Variants in TTN observed in about 807,000 individuals in gnomAD.
The protein encoded by TTN is connectin.
TTN carries 1,525 observed loss-of-function variants against 3,223.0 expected under a neutral mutation model. The ratio of observed to expected loss-of-function variants is 0.47; its 90% confidence interval spans 0.45 to 0.49. TTN has a LOEUF of 0.49. TTN is among the 20% of genes least tolerant of loss of function. The probability of loss-of-function intolerance (pLI) is 0.00; values close to 1 mark genes in which losing one functional copy is unlikely to be tolerated. For synonymous variants in TTN, 14,094 were observed against 15,161.0 expected, an observed-to-expected ratio of 0.93 and a Z score of 5.17; for missense variants, 40,786 against 43,424.0, an observed-to-expected ratio of 0.94 and a Z score of 5.40.
rs1489995255 is a variant in TTN at position 178,729,518 on chromosome 2, T to A, written c.18638A>T (p.Tyr6213Phe). The change falls in exon 64 of 363, where the codon TAT becomes TTT. Residue 6213 changes from tyrosine (Y) to phenylalanine (F), a missense_variant. By Grantham distance (22) the Tyr-to-Phe change is conservative. Coordinates refer to ENST00000589042, the MANE Select transcript of TTN (RefSeq NM_001267550.2). ...RELKPVEVVK[Y>F]SDVELECEVT... ...TTCACACTCCAGCTCCACGTCACTA[T>A]ATTTTACTACCTCCACAGGCTTCAG... is the stretch of plus-strand genomic sequence containing the variant. 6.2e-7 allele frequency: 1 copy of A among 1,613,572 alleles called. No homozygotes were observed. Among genetic ancestry groups the A allele is most frequent in the South Asian group, 1.1e-5 (1 of 91,062 alleles).
At position 178,532,814 on chromosome 2, in the gene TTN, C is replaced by G; in HGVS notation, c.103801G>C (p.Glu34601Gln). 1.2e-6 allele frequency: 2 copies of G among 1,613,926 alleles called. No homozygotes were observed. Among genetic ancestry groups the G allele is most frequent in the African/African-American group, 1.3e-5 (1 of 75,042 alleles). The change falls in exon 358 of 363, where the codon GAA (glutamate) becomes CAA (glutamine). Residue 34601 changes from glutamate to glutamine, a missense_variant. By Grantham distance (29) the Glu-to-Gln change is conservative. Coordinates refer to ENST00000589042, the MANE Select transcript of TTN (RefSeq NM_001267550.2). ...GGAAGAGGCATCACATAGAACTGTTCCCATCTTGAAAGGCGGATGCGCTTG... is the reference window on the plus strand; with the variant it reads ...GGAAGAGGCATCACATAGAACTGTTGCCATCTTGAAAGGCGGATGCGCTTG... Reference protein sequence around the residue: ...RPKRIRLSRWEQFYVMPLPRI... With the variant: ...RPKRIRLSRWQQFYVMPLPRI...
At position 178,677,521 on chromosome 2, in the gene TTN, G is replaced by A. The variant is rs2068361857; in HGVS notation, c.34291+100C>T. The A allele has an allele frequency of 3.9e-6, 5 of 1,268,800 alleles. No homozygotes were observed. In the Admixed American group the frequency reaches 8.4e-5, roughly 21 times the overall value. The allele number at this position is 1,268,800 out of a possible 1,614,324, so 78.6% of individuals were successfully genotyped here. On this transcript the variant is annotated intron_variant, in intron 146 of 362. Transcript: ENST00000589042. ...TAAGATTTAGGTGGTCAATCACAGA[G>A]GGTAAAGGATTATAGATAAAACTGG...
intron 77 of TTN, 26 bp from the exon 78 acceptor site, chr2:178,722,160 TG>T: frequency 6.5e-7 from 1 of 1,531,954 alleles, no homozygotes; most frequent in Non-Finnish European, 8.7e-7. Flanking sequence ...AAAGGCAATG[TG>T]TATTTTTTGT....
Position 178,635,622 on chromosome 2 carries a change from G to C in TTN, c.41702C>G (p.Thr13901Ser). The C allele has an allele frequency of 6.3e-7, 1 of 1,594,620 alleles. No homozygotes were observed. Among genetic ancestry groups the C allele is most frequent in the Non-Finnish European group, 8.6e-7 (1 of 1,169,436 alleles). Reference sequence around the variant, plus strand: ...TCCTTTGAACCACTTAATGTTTGGAGTATCTTTTGCTATATCACAGGCAAA... The same window carrying C: ...TCCTTTGAACCACTTAATGTTTGGACTATCTTTTGCTATATCACAGGCAAA... ...AIFACDIAKD[T>S]PNIKWFKGYD... Residue 13901 changes from threonine (T) to serine (S), a missense_variant, in exon 227 of 363, where the codon ACT becomes AGT. Coordinates refer to ENST00000589042, the MANE Select transcript of TTN (RefSeq NM_001267550.2).
intron 51 of TTN, 34 bp downstream of exon 51, chr2:178,734,673 A>C: frequency 6.4e-7 from 1 of 1,573,966 alleles, no homozygotes; most frequent in Non-Finnish European, 8.6e-7. Context: ...ATCTTTTCTC[A>C]GAAAAATACT....
In TTN at chr2:178,536,088, G is replaced by T. The variant is rs746903660; in HGVS notation, c.100659C>A (p.His33553Gln). 9 of 1,611,050 alleles carry T rather than the reference G, an allele frequency of 5.6e-6. No homozygotes were observed. The highest frequency in any genetic ancestry group is 7.6e-6 in the Non-Finnish European group (9 of 1,177,720). ...YRIQEFKGGY[H>Q]QLIIASVTDD... The stretch of plus-strand genomic sequence containing the variant: ...CTGTGACACTTGCAATGATGAGCTG[G>T]TGGTAGCCACCCTTAAATTCTTGAA... Residue 33553 changes from histidine (H) to glutamine (Q), a missense_variant, in exon 357 of 363, where the codon CAC becomes CAA. Transcript: ENST00000589042.
intron 208 of TTN, 81 bp downstream of exon 208, chr2:178,651,162 C>A: frequency 8.4e-7 from 1 of 1,194,032 alleles, no homozygotes. Flanking sequence ...TAAGAGGACT[C>A]GCAAACAAAA....
intron 123 of TTN, 24 bp from the exon 124 acceptor site, chr2:178,689,397 A>G: frequency 6.2e-7 from 1 of 1,612,376 alleles, no homozygotes; most frequent in Non-Finnish European, 8.5e-7. Context: ...ATTGAATTTT[A>G]AAATTTGTCA....
At chr2:178,709,534 C>T in intron 99 of TTN, 32 bp downstream of exon 99, 2 of 1,573,128 alleles carry the variant, frequency 1.3e-6, no homozygotes, top group Non-Finnish European at 1.7e-6. Flanking sequence ...TGAAGAAAAA[C>T]ACAACAGGTT....
intron 98 of TTN, among the ~76,000 whole-genome samples, 155 bp downstream of exon 98, chr2:178,710,480 C>G (rs2076495702): frequency 6.6e-6 from 1 of 152,130 alleles, no homozygotes; most frequent in Admixed American, 6.6e-5. Context: ...TAAAAAATGA[C>G]TTCTTCTCTA....
chr2:178,648,211 T>G (rs2062330413), intron 213 of TTN, among the ~76,000 whole-genome samples: 1 of 152,120 alleles, frequency 6.6e-6, no homozygotes, highest in Non-Finnish European at 1.5e-5. Flanking sequence ...AGCCTTTTAC[T>G]GGCATTTGAA....
At position 178,567,588 on chromosome 2, in the gene TTN, T is replaced by C; in HGVS notation, c.78544A>G (p.Ile26182Val). The C allele has an allele frequency of 1.9e-6, 3 of 1,610,164 alleles. No individual in the cohort carries two copies. The highest frequency in any genetic ancestry group is 2.5e-6 in the Non-Finnish European group (3 of 1,177,584). The part of the protein sequence containing the change: ...ISKPSDSTGP[I>V]TAKDEVELPR... The stretch of plus-strand genomic sequence containing the variant: ...AGTTCAACCTCATCCTTGGCAGTTA[T>C]TGGTCCAGTACTGTCAGAGGGTTTA... Residue 26182 changes from isoleucine (I) to valine (V), a missense_variant, in exon 326 of 363, where the codon ATA becomes GTA. By Grantham distance (29) the Ile-to-Val change is conservative. Transcript: ENST00000589042.
At chr2:178,679,803 G>T (rs1429119732) in intron 140 of TTN, 91 bp downstream of exon 140, 5 of 1,556,488 alleles carry the variant, frequency 3.2e-6, no homozygotes, top group East Asian at 4.5e-5. Context: ...GCAATCATTG[G>T]TGCTGCCAAT....
At position 178,696,056 on chromosome 2, in the gene TTN, T is replaced by A; in HGVS notation, c.31016A>T (p.Glu10339Val). The A allele has an allele frequency of 6.4e-7, 1 of 1,551,184 alleles. No individual in the cohort carries two copies. The highest frequency in any genetic ancestry group is 8.7e-7 in the Non-Finnish European group (1 of 1,146,662). ...CTCTTCATAGTCTTCATCTGGTTCT[T>A]CATAATAAGGTTGTTCAAATGGCTC... ...YTEPFEQPYY[E>V]EPDEDYEEIK... Residue 10339 changes from glutamate (E) to valine (V), a missense_variant, in exon 114 of 363, where the codon GAA becomes GTA. Physicochemically the swap from Glu to Val is moderately radical, Grantham distance 121. Coordinates refer to ENST00000589042, the MANE Select transcript of TTN (RefSeq NM_001267550.2).
At position 178,734,478 on chromosome 2, in the gene TTN, G is replaced by A. The variant is rs1057518470; in HGVS notation, c.15346C>T (p.Arg5116Ter). The change falls in exon 52 of 363, where the codon CGA (arginine) becomes TGA (stop). Residue 5116 changes from arginine (R) to a stop codon, truncating the protein, a stop_gained. Coordinates refer to ENST00000589042, the MANE Select transcript of TTN (RefSeq NM_001267550.2). LOFTEE classifies it high-confidence loss of function. ...AACAATCTGTATTTTTTACTACTTC[G>A]AATTTGTTTCTTGTCTTTGAACCAG... ...ISWFKDKKQI[R>*]SSKKYRLFSQ... 8 of 1,613,528 alleles carry A rather than the reference G, an allele frequency of 5.0e-6. No individual in the cohort carries two copies. The highest frequency in any genetic ancestry group is 1.3e-5 in the African/African-American group (1 of 74,884).
rs565048054 is a variant in TTN, at chr2:178,594,438, A to G, written c.58056T>C (p.Gly19352=). Residue 19352 remains glycine (G), a synonymous_variant, in exon 296 of 363, where the codon GGT becomes GGC. Coordinates refer to ENST00000589042, the MANE Select transcript of TTN (RefSeq NM_001267550.2). ...RKYTVKGLKE[G]DTYEYRVSAV... is the part of the protein sequence containing the mutation. ...CACTGACACGGTACTCATAGGTATCACCTTCTTTTAAGCCTTTAACAGTGT... is the reference window on the plus strand; with the variant it reads ...CACTGACACGGTACTCATAGGTATCGCCTTCTTTTAAGCCTTTAACAGTGT... 4 of 1,613,080 alleles carry G rather than the reference A, an allele frequency of 2.5e-6. No homozygotes were observed. The African/African-American group carries it at 4.0e-5, about 16-fold the overall frequency.
Position 178,582,339 on chromosome 2 carries a change from G to A in TTN, c.66117C>T (p.Gly22039=), listed in dbSNP as rs369516025. Residue 22039 remains glycine, a synonymous_variant, in exon 314 of 363, where the codon GGC becomes GGT. Coordinates refer to ENST00000589042, the MANE Select transcript of TTN (RefSeq NM_001267550.2). ...TTGCTGGTTCAGTGAAGACTGGATC[G>A]CCTACTCCATATTTATTTTCAGCAC... The part of the protein sequence containing the change: ...RICAENKYGV[G]DPVFTEPAIA... 22 of 1,607,096 alleles carry A rather than the reference G, an allele frequency of 1.4e-5. No homozygotes were observed. The highest frequency in any genetic ancestry group is 6.7e-5 in the African/African-American group (5 of 74,550).
rs534082160 is a variant in TTN at position 178,685,129 on chromosome 2, A to C, written c.32470+124T>G. On this transcript the variant is annotated intron_variant, in intron 129 of 362. Transcript: ENST00000589042. ...CTATACTCAGTAAATACGTTCATACATGTGTTCTGACAAAACGTAGACAGT... is the reference window on the plus strand; with the variant it reads ...CTATACTCAGTAAATACGTTCATACCTGTGTTCTGACAAAACGTAGACAGT... 5.2e-6 allele frequency: 6 copies of C among 1,143,022 alleles called. No individual in the cohort carries two copies. The East Asian group carries it at 1.3e-4, about 24-fold the overall frequency. The allele number at this position is 1,143,022 out of a possible 1,614,324, so 70.8% of individuals were successfully genotyped here.
chr2:178,538,648 C>T lies in TTN; in HGVS notation c.99181G>A (p.Gly33061Arg). 6.2e-7 allele frequency: 1 copy of T among 1,613,788 alleles called. No homozygotes were observed. Among genetic ancestry groups the T allele is most frequent in the South Asian group, 1.1e-5 (1 of 91,076 alleles). ...TACTCAGTAGCTTCCAGCAAACCTCCTATTGTGAATTGCTTGTCCTTAATA... is the reference window on the plus strand; with the variant it reads ...TACTCAGTAGCTTCCAGCAAACCTCTTATTGTGAATTGCTTGTCCTTAATA... Reference protein sequence around the residue: ...ERIKDKQFTIGGLLEATEYEF... With the variant: ...ERIKDKQFTIRGLLEATEYEF... The change falls in exon 354 of 363, where the codon GGA becomes AGA. Residue 33061 changes from glycine (G) to arginine (R), a missense_variant. Physicochemically the swap from Gly to Arg is moderately radical, Grantham distance 125. Coordinates refer to ENST00000589042, the MANE Select transcript of TTN (RefSeq NM_001267550.2).
Sources: allele counts gnomAD v4.1 joint callset (sites outside exome capture counted in the v4.1 genomes callset), GRCh38; gene constraint gnomAD v4.1.1; transcripts MANE v1.5; gene names NCBI Gene and HGNC (gene_info 2026-07-23, HGNC 2026-07-21).